The following IPP variants were observed in gnomAD, a reference collection of about 807,000 sequenced individuals.
IPP encodes the protein intracisternal A particle-promoted polypeptide, also known as actin-binding protein IPP.
A neutral mutation model predicts 64.1 loss-of-function variants in IPP; 41 were observed. The observed-to-expected ratio is 0.64, with a 90% CI of 0.50 to 0.83. IPP has a LOEUF of 0.83. Ranked by LOEUF, IPP falls within the 40% of genes least tolerant of loss-of-function variation. The probability of loss-of-function intolerance (pLI) is 0.00; values close to 1 mark genes in which losing one functional copy is unlikely to be tolerated. For missense variants in IPP, 649 were observed against 703.0 expected, an observed-to-expected ratio of 0.92 and a Z score of 0.87; for synonymous variants, 214 against 235.2, an observed-to-expected ratio of 0.91 and a Z score of 0.83.
At chr1:45,723,407 AG>A (rs1645759634) in intron 5 of IPP, among the ~76,000 whole-genome samples, 1 of 152,228 alleles carries the variant, frequency 6.6e-6, no homozygotes, top group Non-Finnish European at 1.5e-5. Flanking sequence ...GCAGTTTTGA[AG>A]AGCCTCTGTA....
At chr1:45,709,666 A>C (rs1422554719) in intron 8 of IPP, among the ~76,000 whole-genome samples, 32 of 139,120 alleles carry the variant, frequency 2.3e-4, no homozygotes, top group African/African-American at 7.3e-4. Context: ...CTCTACTAAA[A>C]ATACAAAAAA....
rs1184842944 is a variant in IPP, at chr1:45,714,173, A to G, written c.1530+73T>C. On this transcript the variant is annotated intron_variant, in intron 8 of 8. Transcript: ENST00000396478. ...ATGATCAATATCATGAGTGAAAAAG[A>G]GTGCATCACCACAGATCTTACAGAC... The G allele has an allele frequency of 1.6e-5, 17 of 1,067,888 alleles. No homozygotes were observed. The East Asian group carries it at 4.1e-4, about 26-fold the overall frequency. The allele number at this position is 1,067,888 out of a possible 1,614,324, so 66.2% of individuals were successfully genotyped here.
chr1:45,701,968 G>A (rs1645461422), intron 8 of IPP, among the ~76,000 whole-genome samples: 1 of 152,128 alleles, frequency 6.6e-6, no homozygotes, highest in African/African-American at 2.4e-5. Flanking sequence ...AAATTTGAAA[G>A]CTATTTGATC....
At chr1:45,698,698 A>G (rs1645409232), downstream of IPP, 1 of 962,402 alleles carries the variant, frequency 1.0e-6, no homozygotes, top group Non-Finnish European at 1.2e-6. Context: ...ATCTAGCAAA[A>G]AAGGAAGAAT....
At chr1:45,707,230 T>C (rs1371661105) in intron 8 of IPP, among the ~76,000 whole-genome samples, 4 of 152,106 alleles carry the variant, frequency 2.6e-5, no homozygotes, top group Admixed American at 2.6e-4. Context: ...GAGACCATCC[T>C]GGCTAACACG....
In IPP at chr1:45,698,879, C is replaced by T. The variant is rs1409864250; in HGVS notation, c.*1087G>A. Reference sequence around the variant, plus strand: ...GACCACAGGTACAAGCCACAACGCCCGGCTAATTTTTATATATTTTTTGGT... The same window carrying T: ...GACCACAGGTACAAGCCACAACGCCTGGCTAATTTTTATATATTTTTTGGT... On this transcript the variant is annotated 3_prime_UTR_variant, in exon 9 of 9. Transcript: ENST00000396478. 4 of 311,314 alleles carry T rather than the reference C, an allele frequency of 1.3e-5. No individual in the cohort carries two copies. Among genetic ancestry groups the T allele is most frequent in the East Asian group, 1.7e-4 (1 of 5,792 alleles). 19.3% of individuals were successfully genotyped at this position (311,314 alleles called of 1,614,324 possible).
intron 4 of IPP, 101 bp downstream of exon 4, chr1:45,729,513 C>T: frequency 1.2e-6 from 1 of 862,184 alleles, no homozygotes; most frequent in Admixed American, 2.5e-5. Flanking sequence ...CTTCAACACA[C>T]CCACATATTC....
chr1:45,727,586 T>A lies in IPP; in HGVS notation c.1048+45A>T, dbSNP rs770291713. On this transcript the variant is annotated intron_variant, in intron 5 of 8. Transcript: ENST00000396478. ...ATAAATCATAAAGCATATTAGAATA[T>A]AGCCAACAAGACTAATTAAGAAAAT... 12 of 1,246,660 alleles carry A rather than the reference T, an allele frequency of 9.6e-6. No individual in the cohort carries two copies. In the East Asian group the frequency reaches 2.9e-4, roughly 31 times the overall value. 77.2% of individuals were successfully genotyped at this position (1,246,660 alleles called of 1,614,324 possible).
intron 3 of IPP, among the ~76,000 whole-genome samples, chr1:45,740,410 C>T (rs1462983110): frequency 6.6e-6 from 1 of 151,970 alleles, no homozygotes; most frequent in African/African-American, 2.4e-5. Context: ...CGGGCAGAGG[C>T]GCCCCTCACC....
Position 45,699,795 on chromosome 1 carries a change from T to C in IPP, c.*171A>G. 7.0e-7 allele frequency: 1 copy of C among 1,419,900 alleles called. No homozygotes were observed. The highest frequency in any genetic ancestry group is 9.2e-7 in the Non-Finnish European group (1 of 1,088,412). The allele number at this position is 1,419,900 out of a possible 1,614,324, so 88.0% of individuals were successfully genotyped here. On this transcript the variant is annotated 3_prime_UTR_variant, in exon 9 of 9. Transcript: ENST00000396478. ...CTTCTGCCTCAGCCTTCCAAAGTGC[T>C]GGGATTATAGGCATGAGGCCACTGC...
At chr1:45,696,861 C>A (rs954164624), downstream of IPP, 1 of 152,226 alleles carries the variant, frequency 6.6e-6, no homozygotes, top group South Asian at 2.1e-4. Context: ...TTTCAGGGAT[C>A]TTCGGGACCT....
Position 45,699,730 on chromosome 1 carries a change from G to A in IPP, c.*236C>T, listed in dbSNP as rs1013054320. 147 of 1,223,342 alleles carry A rather than the reference G, an allele frequency of 1.2e-4. No homozygotes were observed. The highest frequency in any genetic ancestry group is 1.5e-4 in the Non-Finnish European group (138 of 937,052). 75.8% of individuals were successfully genotyped at this position (1,223,342 alleles called of 1,614,324 possible). On this transcript the variant is annotated 3_prime_UTR_variant, in exon 9 of 9. Coordinates refer to ENST00000396478, the MANE Select transcript of IPP (RefSeq NM_005897.3). ...CAGAGTGGAGTGCAGTGGCATGATC[G>A]TAGCTTACTACAACCTCAAATTCCT...
rs539133748 is a variant in IPP at position 45,711,668 on chromosome 1, C to T, written c.1530+2578G>A. Among the ~76,000 whole-genome samples, 5 of 151,628 alleles carry T rather than the reference C, an allele frequency of 3.3e-5. No individual in the cohort carries two copies. The South Asian group carries it at 1.0e-3, about 32-fold the overall frequency. On this transcript the variant is annotated intron_variant, in intron 8 of 8. Coordinates refer to ENST00000396478, the MANE Select transcript of IPP (RefSeq NM_005897.3). ...ACGTGGGTGGTTGAGGCACAAGAAT[C>T]GCTTGAACCCAGGAGACAGAGGTTG...
Position 45,699,770 on chromosome 1 carries a change from C to CT in IPP, c.*195dup. 2 of 1,361,152 alleles carry CT rather than the reference C, an allele frequency of 1.5e-6. No homozygotes were observed. The allele number at this position is 1,361,152 out of a possible 1,614,324, so 84.3% of individuals were successfully genotyped here. ...CTCAAATTCCTGGGCTCAAGTGATC[C>CT]TTCTGCCTCAGCCTTCCAAAGTGCT... On this transcript the variant is annotated 3_prime_UTR_variant, in exon 9 of 9. Coordinates refer to ENST00000396478, the MANE Select transcript of IPP (RefSeq NM_005897.3).
rs1391712287 is a variant in IPP, at chr1:45,746,370, A to T, written c.42T>A (p.Phe14Leu). 4 of 1,613,998 alleles carry T rather than the reference A, an allele frequency of 2.5e-6. No individual in the cohort carries two copies. The South Asian group carries it at 4.4e-5, about 18-fold the overall frequency. Residue 14 changes from phenylalanine to leucine, a missense_variant, in exon 2 of 9, where the codon TTT (phenylalanine) becomes TTA (leucine). Phe to Leu is a conservative substitution (Grantham distance 22). Transcript: ENST00000396478. ...TGAGTTGGGCATGTTTATCTGATGA[A>T]AAAGGACTATCAGCAGCCTTGGGAC... ...EDCPKAADSP[F>L]SSDKHAQLIL...
intron 6 of IPP, 88 bp downstream of exon 6, chr1:45,719,115 A>G (rs1046417066): frequency 8.1e-5 from 102 of 1,264,730 alleles, no homozygotes; most frequent in Middle Eastern, 1.9e-4. Flanking sequence ...TGCCCCATAA[A>G]TATATATACC....
intron 5 of IPP, among the ~76,000 whole-genome samples, chr1:45,726,248 C>CG (rs1645825670): frequency 6.6e-6 from 1 of 151,346 alleles, no homozygotes; most frequent in African/African-American, 2.4e-5. Flanking sequence ...CACCTGAGGT[C>CG]GGGAGTTCGA....
At chr1:45,740,412 C>T (rs1175146439) in intron 3 of IPP, among the ~76,000 whole-genome samples, 4 of 151,670 alleles carry the variant, frequency 2.6e-5, no homozygotes, top group Non-Finnish European at 4.4e-5. Flanking sequence ...GGCAGAGGCG[C>T]CCCTCACCTC....
intron 8 of IPP, among the ~76,000 whole-genome samples, chr1:45,703,681 A>G (rs1645483796): frequency 6.6e-6 from 1 of 152,144 alleles, no homozygotes. Context: ...AGGGAAACTC[A>G]AGTTACTCAA....
Sources: allele counts gnomAD v4.1 joint callset (sites outside exome capture counted in the v4.1 genomes callset), GRCh38; gene constraint gnomAD v4.1.1; transcripts MANE v1.5; gene names NCBI Gene and HGNC (gene_info 2026-07-23, HGNC 2026-07-21).